PPM1H: variants seen among roughly 807,000 people sequenced by gnomAD.
PPM1H encodes protein phosphatase, Mg2+/Mn2+ dependent 1H.
PPM1H carries 27 observed loss-of-function variants against 54.9 expected under a neutral mutation model. That is an observed-to-expected ratio of 0.49 (90% confidence interval 0.36 to 0.68). PPM1H has a LOEUF of 0.68. Among genes scored for constraint, PPM1H ranks in the 30% least tolerant of loss-of-function variants. The pLI is 0.00. For missense variants in PPM1H, 596 were observed against 667.8 expected (o/e 0.89, Z 1.19); for synonymous variants, 305 against 270.8 (o/e 1.13, Z -1.24).
At chr12:62,801,787 T>G in intron 3 of PPM1H, 29 bp downstream of exon 3, 1 of 1,610,712 alleles carries the variant, frequency 6.2e-7, no homozygotes, top group Non-Finnish European at 8.5e-7. Context: ...AGCCTGGCCC[T>G]GCTGCCCCAG....
intron 2 of PPM1H, among the ~76,000 whole-genome samples, chr12:62,802,441 T>C (rs1280347137): frequency 7.2e-5 from 11 of 152,114 alleles, no homozygotes; most frequent in Admixed American, 6.5e-4. Context: ...CAAATGATCA[T>C]ACACTAAGCT....
chr12:62,759,625 G>A (rs996963519), intron 4 of PPM1H, among the ~76,000 whole-genome samples: 7 of 152,176 alleles, frequency 4.6e-5, no homozygotes, highest in South Asian at 2.1e-4. Context: ...CTGACCACTC[G>A]GGGATGCCTG....
intron 3 of PPM1H, among the ~76,000 whole-genome samples, chr12:62,800,461 C>T (rs537138747): frequency 2.6e-5 from 4 of 152,264 alleles, no homozygotes; most frequent in African/African-American, 4.8e-5. Flanking sequence ...CTCAGCCTCC[C>T]AAGTAGCTGG....
chr12:62,842,634 A>T (rs1247184353), intron 1 of PPM1H, among the ~76,000 whole-genome samples: 1 of 152,220 alleles, frequency 6.6e-6, no homozygotes, highest in Non-Finnish European at 1.5e-5. Context: ...AAGTAACACA[A>T]GAGGAATAAA....
chr12:62,787,906 C>T (rs1049416976), intron 4 of PPM1H, among the ~76,000 whole-genome samples: 1 of 152,164 alleles, frequency 6.6e-6, no homozygotes, highest in Non-Finnish European at 1.5e-5. Context: ...ACCCAGGGCA[C>T]TCGAATCCCT....
At chr12:62,806,742 G>A (rs925159106) in intron 2 of PPM1H, among the ~76,000 whole-genome samples, 1 of 152,180 alleles carries the variant, frequency 6.6e-6, no homozygotes, top group African/African-American at 2.4e-5. Flanking sequence ...CCCCAGCCAT[G>A]CTTCCTGTAC....
At chr12:62,755,216 G>A in intron 4 of PPM1H, 1 of 676,102 alleles carries the variant, frequency 1.5e-6, no homozygotes, top group Non-Finnish European at 2.7e-6. Context: ...CTGCATCCCT[G>A]AGACACTACG....
Position 62,658,212 on chromosome 12 carries a change from T to TTTTCC in PPM1H, c.1397+8965_1397+8966insGGAAA, listed in dbSNP as rs768288538. Among the ~76,000 whole-genome samples the TTTTCC allele has an allele frequency of 1.1e-3, 138 of 130,588 alleles. 1 individual carries two copies. The highest frequency in any genetic ancestry group is 1.9e-3 in the Non-Finnish European group (121 of 62,720). 85.7% of individuals were successfully genotyped at this position (130,588 alleles called of 152,430 possible). A position where few individuals can be genotyped will look rare whatever the true frequency, so the allele number is the denominator to read the frequency against. On this transcript the variant is annotated intron_variant, in intron 9 of 9. Transcript: ENST00000228705. Reference sequence around the variant, plus strand: ...TTTTTTTTTTTTTTTTTTTTTTTTTTAAGTAAAAAAGAAGTTTCCACAGAC... The same window carrying TTTTCC: ...TTTTTTTTTTTTTTTTTTTTTTTTTTTTTCCAAGTAAAAAAGAAGTTTCCACAGAC...
chr12:62,929,608 T>C (rs1555206422), intron 1 of PPM1H, among the ~76,000 whole-genome samples: 4 of 152,128 alleles, frequency 2.6e-5, no homozygotes, highest in Non-Finnish European at 4.4e-5. Flanking sequence ...AAACATATAG[T>C]AAACACCCCC....
intron 1 of PPM1H, among the ~76,000 whole-genome samples, chr12:62,892,574 T>C (rs1870836903): frequency 6.6e-6 from 1 of 152,204 alleles, no homozygotes; most frequent in Non-Finnish European, 1.5e-5. Context: ...TCTACACATA[T>C]AAACCCGTTT....
intron 1 of PPM1H, among the ~76,000 whole-genome samples, chr12:62,893,038 A>C (rs79023788): frequency 2.6e-4 from 40 of 152,320 alleles, no homozygotes; most frequent in African/African-American, 9.4e-4. Flanking sequence ...GCTACAGTCT[A>C]GAGAAGGGGT....
At chr12:62,879,176 C>G (rs912462205) in intron 1 of PPM1H, among the ~76,000 whole-genome samples, 6 of 152,166 alleles carry the variant, frequency 3.9e-5, no homozygotes, top group African/African-American at 1.4e-4. Context: ...GGAAGTGTTT[C>G]TTTCGCTATT....
In PPM1H at chr12:62,844,756, A is replaced by G. The variant is rs559922672; in HGVS notation, c.246-12477T>C. On this transcript the variant is annotated intron_variant, in intron 1 of 9. Transcript: ENST00000228705. This position sits in a 1 kb window ranked among gnomAD's most constrained non-coding sequence, Gnocchi z 5.2. ...CTCGATAAATGTTAATTGAATGAAT[A>G]AACAAATGAACTCATTTTGCCATAA... 6.6e-6 allele frequency among the ~76,000 whole-genome samples: 1 copy of G among 152,374 alleles called. No individual in the cohort carries two copies. Among genetic ancestry groups the G allele is most frequent in the African/African-American group, 2.4e-5 (1 of 41,582 alleles).
At chr12:62,694,051 T>A (rs375879006) in intron 6 of PPM1H, 52 bp from the exon 7 acceptor site, 776 of 1,503,312 alleles carry the variant, frequency 5.2e-4, no homozygotes, top group Non-Finnish European at 6.5e-4. Context: ...ATTAGTGACC[T>A]GCTGCCCTGA....
chr12:62,672,262 C>CAGGTGAAGAACAAAA, intron 8 of PPM1H, among the ~76,000 whole-genome samples: 1 of 152,150 alleles, frequency 6.6e-6, no homozygotes, highest in Non-Finnish European at 1.5e-5. Context: ...CGAGAGCAAC[C>CAGGTGAAGAACAAAA]AGGTGAAGAA....
In PPM1H at chr12:62,791,533, A is replaced by G. The variant is rs1470949004; in HGVS notation, c.757-3195T>C. ...TAAAGAGTCTGCATCCAATACATCA[A>G]AAGGAACTGCTCAGCTACAGAGACT... On this transcript the variant is annotated intron_variant, in intron 3 of 9. Transcript: ENST00000228705. 3.3e-5 allele frequency among the ~76,000 whole-genome samples: 5 copies of G among 152,246 alleles called. No homozygotes were observed. In the East Asian group the frequency reaches 5.8e-4, roughly 18 times the overall value.
At chr12:62,816,962 A>G (rs2076869753) in intron 2 of PPM1H, among the ~76,000 whole-genome samples, 1 of 151,690 alleles carries the variant, frequency 6.6e-6, no homozygotes, top group Non-Finnish European at 1.5e-5. Context: ...TGGTCTTCAG[A>G]GTAATCCAAC....
intron 1 of PPM1H, among the ~76,000 whole-genome samples, chr12:62,873,850 C>T (rs566916801): frequency 6.6e-6 from 1 of 152,208 alleles, no homozygotes; most frequent in South Asian, 2.1e-4. Flanking sequence ...GGGAAAATAA[C>T]GACTACTAAA....
At chr12:62,736,160 T>G (rs1274493888) in intron 5 of PPM1H, among the ~76,000 whole-genome samples, 1 of 152,212 alleles carries the variant, frequency 6.6e-6, no homozygotes, top group Non-Finnish European at 1.5e-5. Flanking sequence ...AGGCTAGCTA[T>G]AACGAATTCT....
Sources: allele counts gnomAD v4.1 joint callset (sites outside exome capture counted in the v4.1 genomes callset), GRCh38; gene constraint gnomAD v4.1.1; non-coding constraint Gnocchi (gnomAD v3.1); transcripts MANE v1.5; gene names NCBI Gene and HGNC (gene_info 2026-07-23, HGNC 2026-07-21).